The following PTPRD variants were observed in gnomAD, a reference collection of about 807,000 sequenced individuals.
PTPRD encodes the protein receptor-type tyrosine-protein phosphatase delta.
Under a neutral mutation model 214.5 loss-of-function variants are expected in PTPRD, and 34 were observed. The ratio of observed to expected loss-of-function variants is 0.16; its 90% CI spans 0.12 to 0.21. The LOEUF (loss-of-function observed/expected upper bound fraction) is 0.21, where lower values mean the gene tolerates loss of function less well. PTPRD is among the 10% of genes least tolerant of loss of function. The pLI is 1.00. For synonymous variants in PTPRD, 1,128 were observed against 845.7 expected (o/e 1.33, Z -5.79); for missense variants, 2,545 against 2,398.7 (o/e 1.06, Z -1.27).
chr9:9,559,428 G>C (rs754046488), intron 8 of PTPRD, among the ~76,000 whole-genome samples: 1 of 152,204 alleles, frequency 6.6e-6, no homozygotes, highest in Non-Finnish European at 1.5e-5. Context: ...CTCCAGCATT[G>C]TTTAGGCCCT....
At chr9:8,637,343 G>A (rs909659940) in intron 12 of PTPRD, among the ~76,000 whole-genome samples, 3 of 152,114 alleles carry the variant, frequency 2.0e-5, no homozygotes, top group Admixed American at 2.0e-4. Context: ...TGAATTAGAA[G>A]GTTTCGCAAG....
At chr9:9,973,379 G>A (rs540329048) in intron 4 of PTPRD, among the ~76,000 whole-genome samples, 6 of 151,948 alleles carry the variant, frequency 3.9e-5, no homozygotes, top group South Asian at 4.1e-4. Context: ...GGCTGAAGCC[G>A]GAGGGTTACT....
chr9:9,266,922 T>C (rs1427076771), intron 9 of PTPRD, among the ~76,000 whole-genome samples: 3 of 150,596 alleles, frequency 2.0e-5, no homozygotes, highest in African/African-American at 7.3e-5. Flanking sequence ...AATGCCAAAG[T>C]TAGAAGGAAG....
rs1335777748 is a variant in PTPRD at position 10,578,475 on chromosome 9, T to C, written c.-600+33923A>G. On this transcript the variant is annotated intron_variant, in intron 2 of 45. Coordinates refer to ENST00000381196, the MANE Select transcript of PTPRD (RefSeq NM_002839.4). ...AAATGCAGATTACCAAAATATAAATTATATCCATCAATACACGATTCAAAA... is the reference window on the plus strand; with the variant it reads ...AAATGCAGATTACCAAAATATAAATCATATCCATCAATACACGATTCAAAA... Among the ~76,000 whole-genome samples the C allele has an allele frequency of 2.6e-5, 4 of 152,128 alleles. No individual in the cohort carries two copies. In the East Asian group the frequency reaches 7.7e-4, roughly 29 times the overall value.
chr9:8,933,339 G>GTTTTTTTTTTTTTTTTTTTTTTTTT (rs1567089304), intron 11 of PTPRD, among the ~76,000 whole-genome samples: 3 of 68,826 alleles, frequency 4.4e-5, no homozygotes, highest in African/African-American at 1.0e-4. Flanking sequence ...ACAACCTTGA[G>GTTTTTTTTTTTTTTTTTTTTTTTTT]GTTTTTTTTT....
At chr9:9,332,264 T>A (rs773027707) in intron 9 of PTPRD, among the ~76,000 whole-genome samples, 1 of 152,008 alleles carries the variant, frequency 6.6e-6, no homozygotes, top group Non-Finnish European at 1.5e-5. Context: ...CAGAAAATAA[T>A]CATTTCCAGA....
intron 12 of PTPRD, among the ~76,000 whole-genome samples, chr9:8,665,436 G>T (rs1219627323): frequency 6.6e-6 from 1 of 152,140 alleles, no homozygotes; most frequent in East Asian, 1.9e-4. Context: ...AAAAGGCAGG[G>T]TTTTTTGTTT....
chr9:8,834,901 A>C (rs1358610260), intron 11 of PTPRD, among the ~76,000 whole-genome samples: 1 of 152,220 alleles, frequency 6.6e-6, no homozygotes, highest in African/African-American at 2.4e-5. Flanking sequence ...AGCTTTACGC[A>C]GGCAGCTTAG....
intron 2 of PTPRD, among the ~76,000 whole-genome samples, chr9:10,588,202 T>C (rs1209126555): frequency 6.6e-6 from 1 of 152,068 alleles, no homozygotes; most frequent in Admixed American, 6.6e-5. Context: ...GAGATGTCAA[T>C]GACAAATTAA....
intron 12 of PTPRD, among the ~76,000 whole-genome samples, chr9:8,697,777 G>A: frequency 6.6e-6 from 1 of 152,056 alleles, no homozygotes; most frequent in East Asian, 1.9e-4. Context: ...GTGTGTGTGT[G>A]TGTGTTTGGG....
chr9:8,973,359 C>T (rs527457451), intron 11 of PTPRD, among the ~76,000 whole-genome samples: 1 of 152,064 alleles, frequency 6.6e-6, no homozygotes, highest in African/African-American at 2.4e-5. Flanking sequence ...GATAATGACC[C>T]CTAGCTTTAA....
At chr9:10,227,696 G>T (rs2099593530) in intron 3 of PTPRD, among the ~76,000 whole-genome samples, 2 of 151,964 alleles carry the variant, frequency 1.3e-5, no homozygotes, top group East Asian at 3.9e-4. Context: ...GAAAAACAGA[G>T]ACCTATGTAT....
At chr9:9,821,522 A>G (rs1409317142) in intron 5 of PTPRD, among the ~76,000 whole-genome samples, 1 of 152,200 alleles carries the variant, frequency 6.6e-6, no homozygotes, top group Non-Finnish European at 1.5e-5. Context: ...TTGTATAGAG[A>G]ATCAGAGAGG....
chr9:8,702,385 G>C (rs1188657537), intron 12 of PTPRD, among the ~76,000 whole-genome samples: 2 of 152,046 alleles, frequency 1.3e-5, no homozygotes, highest in Non-Finnish European at 2.9e-5. Flanking sequence ...AGTTGGATCA[G>C]CATAGTTGAG....
At chr9:8,627,778 T>C (rs1330026192) in intron 14 of PTPRD, among the ~76,000 whole-genome samples, 2 of 151,876 alleles carry the variant, frequency 1.3e-5, no homozygotes, top group African/African-American at 2.4e-5. Context: ...GGGTCTCTCA[T>C]AGACTATCCA....
intron 8 of PTPRD, among the ~76,000 whole-genome samples, chr9:9,425,345 T>G (rs991502594): frequency 1.4e-4 from 21 of 149,038 alleles, no homozygotes; most frequent in Non-Finnish European, 3.0e-4. Flanking sequence ...TGCAGCAATA[T>G]TACATGTGCA....
chr9:9,978,174 AAACC>A, intron 4 of PTPRD, among the ~76,000 whole-genome samples: 1 of 152,104 alleles, frequency 6.6e-6, no homozygotes, highest in East Asian at 1.9e-4. Context: ...CAAAATCAGA[AAACC>A]AACAAAAAAG....
intron 26 of PTPRD, among the ~76,000 whole-genome samples, chr9:8,493,198 A>G (rs1270469504): frequency 6.6e-6 from 1 of 152,216 alleles, no homozygotes; most frequent in East Asian, 1.9e-4. Flanking sequence ...ATCTTAGGGT[A>G]TTAGTCAAAG....
chr9:10,351,815 A>G (rs2097188285), intron 2 of PTPRD, among the ~76,000 whole-genome samples: 1 of 152,080 alleles, frequency 6.6e-6, no homozygotes, highest in Non-Finnish European at 1.5e-5. Context: ...AGAGGCCTAG[A>G]ACATAATAGA....
Sources: gnomAD v4.1 joint callset for allele counts (sites outside exome capture counted in the v4.1 genomes callset) on GRCh38, gnomAD v4.1.1 for gene constraint, MANE v1.5 for transcripts, NCBI Gene and HGNC (gene_info 2026-07-23, HGNC 2026-07-21) for gene names.